Variants in DNAJB1 observed in about 807,000 individuals in gnomAD.
DNAJB1 encodes dnaJ homolog subfamily B member 1.
Under a neutral mutation model 24.0 loss-of-function variants are expected in DNAJB1, and 14 were observed. The observed-to-expected ratio is 0.58, with a 90% CI of 0.39 to 0.91. The LOEUF (loss-of-function observed/expected upper bound fraction) is 0.91. Ranked by LOEUF, DNAJB1 falls within the 40% of genes least tolerant of loss-of-function variation. DNAJB1 has a pLI of 0.00. For synonymous variants in DNAJB1, 262 were observed against 174.4 expected (o/e 1.50, Z -3.96); for missense variants, 517 against 458.1 (o/e 1.13, Z -1.17).
intron 1 of DNAJB1, among the ~76,000 whole-genome samples, chr19:14,538,745 C>T (rs1189587759): frequency 1.3e-5 from 2 of 151,520 alleles, no homozygotes; most frequent in Non-Finnish European, 2.9e-5. Flanking sequence ...CTTGGCCAGG[C>T]TGGTCTTGAA....
chr19:14,553,071 A>T (rs1198196575), upstream of DNAJB1, among the ~76,000 whole-genome samples: 4 of 151,946 alleles, frequency 2.6e-5, no homozygotes, highest in South Asian at 6.4e-4. Context: ...AGGTTCTCCA[A>T]CTTCCCACTG....
intron 1 of DNAJB1, among the ~76,000 whole-genome samples, chr19:14,557,885 A>C (rs1279613957): frequency 6.6e-6 from 1 of 151,886 alleles, no homozygotes; most frequent in Non-Finnish European, 1.5e-5. Context: ...CCTCCCGAGT[A>C]GCTGGGACTA....
At chr19:14,537,482 G>A (rs1238356011) in intron 1 of DNAJB1, among the ~76,000 whole-genome samples, 1 of 152,046 alleles carries the variant, frequency 6.6e-6, no homozygotes, top group Non-Finnish European at 1.5e-5. Flanking sequence ...GAGTGAGGGC[G>A]GTGCTTGGAA....
Position 14,515,886 on chromosome 19 carries a change from G to A in DNAJB1, c.*54C>T, listed in dbSNP as rs2072248506. On this transcript the variant is annotated 3_prime_UTR_variant, in exon 3 of 3. Transcript: ENST00000254322. ...GGTCCACAACTGGTAGAAAGGTCCA[G>A]AAATCCTTGAGCTCTGGAAAGGTCC... 6.4e-7 allele frequency: 1 copy of A among 1,565,346 alleles called. No homozygotes were observed. Among genetic ancestry groups the A allele is most frequent in the African/African-American group, 1.4e-5 (1 of 72,722 alleles).
chr19:14,529,912 A>G (rs2072558335), upstream of DNAJB1: 2 of 740,618 alleles, frequency 2.7e-6, no homozygotes, highest in South Asian at 3.5e-5. Flanking sequence ...TAAATCTGCA[A>G]CCCAGGCTGT....
chr19:14,554,123 C>T (rs888541268), upstream of DNAJB1, among the ~76,000 whole-genome samples: 4 of 152,144 alleles, frequency 2.6e-5, no homozygotes, highest in African/African-American at 4.8e-5. Context: ...AACATGCACG[C>T]GTGGTCTTCT....
chr19:14,521,019 A>C (rs1293988677), upstream of DNAJB1, among the ~76,000 whole-genome samples: 2 of 152,114 alleles, frequency 1.3e-5, no homozygotes, highest in East Asian at 3.8e-4. Flanking sequence ...ATAAATAACT[A>C]TCAGGAGCAT....
intron 1 of DNAJB1, among the ~76,000 whole-genome samples, chr19:14,542,462 A>G (rs1047190972): frequency 2.1e-5 from 3 of 145,238 alleles, no homozygotes; most frequent in African/African-American, 5.1e-5. Flanking sequence ...CCCGGGTTCA[A>G]TCAATTCTCC....
rs144872220 is a variant in DNAJB1, at chr19:14,537,681, C to T, written c.-213-9871G>A. Among the ~76,000 whole-genome samples, 547 of 151,174 alleles carry T rather than the reference C, an allele frequency of 3.6e-3. 5 individuals carry two copies. Among genetic ancestry groups the T allele is most frequent in the African/African-American group, 0.011 (471 of 41,192 alleles). On this transcript the variant is annotated intron_variant, in intron 1 of 3. Transcript: ENST00000676982. ...GTTTTAATACCTGGGACATTTCCTG[C>T]GGCAGCCAGAATATAGTAATCTTCC...
chr19:14,528,077 T>C (rs1435165903), intron 1 of DNAJB1, among the ~76,000 whole-genome samples: 2 of 151,490 alleles, frequency 1.3e-5, no homozygotes, highest in Non-Finnish European at 2.9e-5. Context: ...AGAGACAGGG[T>C]TTCACCACGT....
upstream of DNAJB1, among the ~76,000 whole-genome samples, chr19:14,554,752 T>G (rs2073657967): frequency 6.6e-6 from 1 of 151,764 alleles, no homozygotes; most frequent in Non-Finnish European, 1.5e-5. Flanking sequence ...CCTCCACATC[T>G]GTCCAGAATT....
chr19:14,559,979 G>A (rs2073854819), intron 1 of DNAJB1, among the ~76,000 whole-genome samples: 1 of 93,068 alleles, frequency 1.1e-5, no homozygotes, highest in South Asian at 2.8e-4. Context: ...CTAGCCTTGG[G>A]CATTTCTTGT....
chr19:14,543,411 A>AT (rs2073180838), intron 1 of DNAJB1, among the ~76,000 whole-genome samples: 1 of 9,114 alleles, frequency 1.1e-4, no homozygotes, highest in African/African-American at 3.6e-4. Flanking sequence ...ATATATATAT[A>AT]TATATATATT....
At position 14,516,170 on chromosome 19, in the gene DNAJB1, C is replaced by T; in HGVS notation, c.793G>A (p.Ala265Thr). The change falls in exon 3 of 3, where the codon GCT (alanine) becomes ACT (threonine). Residue 265 changes from alanine to threonine, a missense_variant and splice_region_variant. By Grantham distance (58) the Ala-to-Thr change is moderately conservative. Transcript: ENST00000254322. ...ACGTTCACTGTGCAGCCACACAGAG[C>T]CTTGAAAAGCAAAAGGACAGCATTA... ...IYPARISLRE[A>T]LCGCTVNVPT... is the part of the protein sequence containing the mutation. The T allele has an allele frequency of 6.2e-7, 1 of 1,613,184 alleles. No homozygotes were observed. The highest frequency in any genetic ancestry group is 1.1e-5 in the South Asian group (1 of 91,016).
At chr19:14,540,456 G>C (rs910251453) in intron 1 of DNAJB1, among the ~76,000 whole-genome samples, 1 of 151,010 alleles carries the variant, frequency 6.6e-6, no homozygotes, top group African/African-American at 2.4e-5. Flanking sequence ...GCAGTGGTGC[G>C]ATCTTGGCTC....
chr19:14,517,952 G>A (rs956001613), intron 1 of DNAJB1, 187 bp downstream of exon 1: 11 of 549,198 alleles, frequency 2.0e-5, no homozygotes, highest in Non-Finnish European at 2.9e-5. Context: ...GAGCGGCTGG[G>A]CCAAGGCTCC....
At chr19:14,559,208 C>T (rs888439215) in intron 1 of DNAJB1, among the ~76,000 whole-genome samples, 7 of 152,142 alleles carry the variant, frequency 4.6e-5, no homozygotes, top group Non-Finnish European at 1.0e-4. Flanking sequence ...TAACATGAAA[C>T]TAACCATTTA....
chr19:14,534,274 G>A (rs1398147472), upstream of DNAJB1, among the ~76,000 whole-genome samples: 5 of 148,834 alleles, frequency 3.4e-5, no homozygotes, highest in Non-Finnish European at 7.5e-5. Context: ...ACAGGTGCCT[G>A]CCACCATGCC....
chr19:14,517,923 A>T (rs886748817), intron 1 of DNAJB1: 11 of 445,846 alleles, frequency 2.5e-5, no homozygotes, highest in African/African-American at 2.3e-4. Context: ...AGCCCCAGAC[A>T]TGCTAGAAGC....
Sources: allele counts gnomAD v4.1 joint callset (sites outside exome capture counted in the v4.1 genomes callset), GRCh38; gene constraint gnomAD v4.1.1; transcripts MANE v1.5; gene names NCBI Gene and HGNC (gene_info 2026-07-23, HGNC 2026-07-21).